Variants in CBL observed in about 807,000 individuals in gnomAD.
The protein encoded by CBL is E3 ubiquitin-protein ligase CBL.
Under a neutral mutation model 96.9 loss-of-function variants are expected in CBL, and 45 were observed. That is an observed-to-expected ratio of 0.46 (90% CI 0.37 to 0.60). CBL has a LOEUF of 0.60. CBL is among the 20% of genes least tolerant of loss of function. CBL has a pLI of 0.00. For missense variants in CBL, 1,024 were observed against 1,143.5 expected, an observed-to-expected ratio of 0.90 and a Z score of 1.51; for synonymous variants, 420 against 426.8, an observed-to-expected ratio of 0.98 and a Z score of 0.20.
chr11:119,226,428 G>A (rs1275141224), intron 1 of CBL, among the ~76,000 whole-genome samples: 2 of 151,992 alleles, frequency 1.3e-5, no homozygotes, highest in East Asian at 3.8e-4. Flanking sequence ...TTGATTTTGT[G>A]GTTAAAAGAA....
At chr11:119,277,623 G>T (rs1336461300) in intron 6 of CBL, 134 bp from the exon 7 acceptor site, 90 of 626,784 alleles carry the variant, frequency 1.4e-4, no homozygotes, top group South Asian at 1.8e-4. Flanking sequence ...TTTTTTTTTT[G>T]AAGTAAGATT....
chr11:119,270,051 C>G (rs1020793257), intron 2 of CBL, among the ~76,000 whole-genome samples: 1 of 152,018 alleles, frequency 6.6e-6, no homozygotes, highest in African/African-American at 2.4e-5. Context: ...CTTTTGAATA[C>G]ATAAATACAA....
chr11:119,304,522 T>C lies in CBL; in HGVS notation c.*4741T>C, dbSNP rs1217059322. 4 of 233,026 alleles carry C rather than the reference T, an allele frequency of 1.7e-5. No homozygotes were observed. The highest frequency in any genetic ancestry group is 6.6e-5 in the African/African-American group (3 of 45,326). The allele number at this position is 233,026 out of a possible 1,614,324, so 14.4% of individuals were successfully genotyped here. On this transcript the variant is annotated 3_prime_UTR_variant, in exon 16 of 16. Coordinates refer to ENST00000264033, the MANE Select transcript of CBL (RefSeq NM_005188.4). ...CCTAGTCCTTTCTCCCGCTTCACAG[T>C]CTGCTTATGGTATATGTGGCCCCCA...
intron 1 of CBL, among the ~76,000 whole-genome samples, chr11:119,214,098 C>T (rs1466353284): frequency 6.6e-6 from 1 of 152,106 alleles, no homozygotes; most frequent in East Asian, 1.9e-4. Context: ...GTGTGTGCTA[C>T]CACAGCCGGC....
intron 2 of CBL, among the ~76,000 whole-genome samples, chr11:119,260,353 C>T (rs551394795): frequency 3.4e-4 from 52 of 151,784 alleles, no homozygotes; most frequent in Admixed American, 2.3e-3. Flanking sequence ...AATCAATTCT[C>T]CTGCCTCAGC....
At chr11:119,297,897 A>G (rs1190566390) in intron 14 of CBL, among the ~76,000 whole-genome samples, 1 of 152,116 alleles carries the variant, frequency 6.6e-6, no homozygotes, top group African/African-American at 2.4e-5. Context: ...TTTGTGTTCT[A>G]TACTCTGGAC....
At chr11:119,235,814 G>A (rs912047348) in intron 2 of CBL, among the ~76,000 whole-genome samples, 3 of 152,112 alleles carry the variant, frequency 2.0e-5, no homozygotes, top group African/African-American at 7.2e-5. Context: ...CAGTGTGCCT[G>A]TCTGTATCAA....
chr11:119,279,492 TAA>T (rs36040058), intron 9 of CBL, among the ~76,000 whole-genome samples: 1 of 148,058 alleles, frequency 6.8e-6, no homozygotes, highest in Non-Finnish European at 1.5e-5. Flanking sequence ...TGCCCCCCCC[TAA>T]AAAAAAAAAT....
chr11:119,217,720 TTA>T (rs1259089779), intron 1 of CBL, among the ~76,000 whole-genome samples: 1 of 152,150 alleles, frequency 6.6e-6, no homozygotes, highest in African/African-American at 2.4e-5. Context: ...GTTGGGCATC[TTA>T]TTTAAGATTT....
Position 119,302,778 on chromosome 11 carries a change from A to G in CBL, c.*2997A>G, listed in dbSNP as rs1950110470. 1 of 230,980 alleles carries G rather than the reference A, an allele frequency of 4.3e-6. No homozygotes were observed. Among genetic ancestry groups the G allele is most frequent in the Non-Finnish European group, 8.6e-6 (1 of 116,700 alleles). 14.3% of individuals were successfully genotyped at this position (230,980 alleles called of 1,614,324 possible). On this transcript the variant is annotated 3_prime_UTR_variant, in exon 16 of 16. Coordinates refer to ENST00000264033, the MANE Select transcript of CBL (RefSeq NM_005188.4). ...ATACCTCCCTTTAGTTAAGTAATAG[A>G]CCAGGCAGCTTCTCATCTCAGCATT... is the stretch of plus-strand genomic sequence containing the variant.
rs778655649 is a variant in CBL, at chr11:119,206,536, A to T, written c.119A>T (p.His40Leu). 1.9e-6 allele frequency: 3 copies of T among 1,552,898 alleles called. No individual in the cohort carries two copies. The highest frequency in any genetic ancestry group is 2.6e-6 in the Non-Finnish European group (3 of 1,148,630). ...GCCTTCCAGCCGCACCACCACCACC[A>T]CCACCACCTCAGCCCCCACCCGCCG... ...KDAFQPHHHH[H>L]HHLSPHPPGT... The change falls in exon 1 of 16, where the codon CAC becomes CTC. Residue 40 changes from histidine (H) to leucine (L), a missense_variant. Around this residue, in one of 4 missense-constraint regions of CBL, gnomAD observed 114 missense variants for 117.4 expected, o/e 0.97. Transcript: ENST00000264033.
chr11:119,263,989 A>G (rs376964800), intron 2 of CBL, among the ~76,000 whole-genome samples: 7 of 152,216 alleles, frequency 4.6e-5, no homozygotes, highest in Non-Finnish European at 8.8e-5. Flanking sequence ...ATCATCATCT[A>G]TATGAGTCTT....
chr11:119,287,824 T>C, intron 11 of CBL, 28 bp from the exon 12 acceptor site: 2 of 1,486,224 alleles, frequency 1.3e-6, no homozygotes, highest in Non-Finnish European at 1.9e-6. Flanking sequence ...AAGAAAGTTG[T>C]TTTTCAACAC....
chr11:119,215,168 C>T (rs191907633), intron 1 of CBL, among the ~76,000 whole-genome samples: 7 of 152,008 alleles, frequency 4.6e-5, no homozygotes, highest in South Asian at 2.1e-4. Context: ...ATGCTCTCTC[C>T]GTTTTGTGAG....
At chr11:119,236,156 C>A (rs1949544560) in intron 2 of CBL, among the ~76,000 whole-genome samples, 1 of 152,096 alleles carries the variant, frequency 6.6e-6, no homozygotes, top group East Asian at 1.9e-4. Context: ...CATCACCCCT[C>A]TGTAATTCCA....
intron 9 of CBL, among the ~76,000 whole-genome samples, chr11:119,279,676 ATG>A (rs1177900955): frequency 5.3e-5 from 8 of 152,154 alleles, no homozygotes; most frequent in Non-Finnish European, 1.2e-4. Flanking sequence ...ATTGTATACA[ATG>A]TGTAGTGTGA....
chr11:119,270,853 T>C (rs915211660), intron 2 of CBL, among the ~76,000 whole-genome samples: 9 of 152,326 alleles, frequency 5.9e-5, no homozygotes, highest in Non-Finnish European at 1.3e-4. Context: ...GTGCTGGGAT[T>C]ACAGGCGTGA....
At chr11:119,268,916 G>A (rs975904845) in intron 2 of CBL, among the ~76,000 whole-genome samples, 14 of 152,154 alleles carry the variant, frequency 9.2e-5, no homozygotes, top group Non-Finnish European at 1.8e-4. Context: ...ACTGTTCAGC[G>A]TAGTTCTTCA....
At chr11:119,245,955 T>C (rs916752504) in intron 2 of CBL, among the ~76,000 whole-genome samples, 2 of 97,158 alleles carry the variant, frequency 2.1e-5, no homozygotes, top group Non-Finnish European at 4.1e-5. Flanking sequence ...TCTTTGCAAA[T>C]CTTTTTTTTT....
Sources: gnomAD v4.1 joint callset for allele counts (sites outside exome capture counted in the v4.1 genomes callset) on GRCh38, gnomAD v4.1.1 for gene constraint, gnomAD v4.1.1 regional missense constraint, MANE v1.5 for transcripts, NCBI Gene and HGNC (gene_info 2026-07-23, HGNC 2026-07-21) for gene names.